COL4A5: variants seen among roughly 807,000 people sequenced by gnomAD.
The protein encoded by COL4A5 is collagen alpha-5(IV) chain.
COL4A5 carries 26 observed loss-of-function variants against 130.2 expected under a neutral mutation model. That is an observed-to-expected ratio of 0.20 (90% CI 0.15 to 0.28). The LOEUF is 0.28. Ranked by LOEUF, COL4A5 falls within the 10% of genes least tolerant of loss-of-function variation. The probability of loss-of-function intolerance (pLI) is 1.00; values close to 1 mark genes in which losing one functional copy is unlikely to be tolerated. For synonymous variants in COL4A5, 496 were observed against 439.6 expected, an observed-to-expected ratio of 1.13 and a Z score of -1.60; for missense variants, 1,131 against 1,344.3, an observed-to-expected ratio of 0.84 and a Z score of 2.48.
chrX:108,690,523 C>T (rs544922833), intron 49 of COL4A5, among the ~76,000 whole-genome samples: 1 of 111,809 alleles, frequency 8.9e-6, no homozygotes, highest in East Asian at 2.8e-4. Context: ...TGAAGAATTT[C>T]CATGATGCAC....
intron 1 of COL4A5, among the ~76,000 whole-genome samples, chrX:108,513,949 G>T (rs1221233241): frequency 1.8e-5 from 2 of 111,874 alleles, no homozygotes; most frequent in South Asian, 7.4e-4. Flanking sequence ...ATGAAGTAGG[G>T]ATTCAGGCTC....
chrX:108,447,136 C>T (rs770309967), intron 1 of COL4A5, among the ~76,000 whole-genome samples: 30 of 111,190 alleles, frequency 2.7e-4, no homozygotes, highest in Admixed American at 1.2e-3. Flanking sequence ...CCCCACCCCT[C>T]TCACCAGCCC....
chrX:108,637,826 A>T (rs987356427), intron 36 of COL4A5, among the ~76,000 whole-genome samples: 1 of 109,898 alleles, frequency 9.1e-6, no homozygotes, highest in African/African-American at 3.3e-5. Context: ...TCAGGACCAG[A>T]TGGCTACACT....
intron 1 of COL4A5, among the ~76,000 whole-genome samples, chrX:108,496,834 A>G: frequency 8.9e-6 from 1 of 111,777 alleles, no homozygotes; most frequent in Non-Finnish European, 1.9e-5. Context: ...TAATATCACT[A>G]TTACAACTTT....
intron 1 of COL4A5, among the ~76,000 whole-genome samples, chrX:108,508,845 A>C: frequency 8.9e-6 from 1 of 112,118 alleles, no homozygotes; most frequent in Admixed American, 9.4e-5. Context: ...TGCTGGGATA[A>C]CCAGCTAGCC....
intron 25 of COL4A5, 100 bp from the exon 26 acceptor site, chrX:108,601,293 C>G: frequency 1.8e-6 from 1 of 554,110 alleles, no homozygotes; most frequent in East Asian, 3.6e-5. Context: ...TTTACATTTT[C>G]AAAAGATTGC....
intron 47 of COL4A5, among the ~76,000 whole-genome samples, chrX:108,685,601 C>T (rs1340244995): frequency 8.9e-6 from 1 of 112,303 alleles, no homozygotes; most frequent in East Asian, 2.8e-4. Flanking sequence ...TAACTGGTGT[C>T]TAGCTGGCCA....
At chrX:108,596,047 C>CTA (rs1569493752) in intron 22 of COL4A5, among the ~76,000 whole-genome samples, 1 of 111,499 alleles carries the variant, frequency 9.0e-6, no homozygotes, top group Non-Finnish European at 1.9e-5. Flanking sequence ...TCCTCTCTCT[C>CTA]TATATATAAC....
intron 2 of COL4A5, among the ~76,000 whole-genome samples, chrX:108,546,758 G>T (rs1306976809): frequency 9.0e-6 from 1 of 111,675 alleles, no homozygotes. Context: ...ATCAGATGTA[G>T]ATTTGGTCTT....
At chrX:108,463,161 A>C (rs1019696192) in intron 1 of COL4A5, among the ~76,000 whole-genome samples, 3 of 112,123 alleles carry the variant, frequency 2.7e-5, no homozygotes, top group Non-Finnish European at 5.6e-5. Context: ...AGTAAAAAAA[A>C]GGAAGAATTT....
chrX:108,675,385 C>G (rs1354639238), intron 43 of COL4A5, among the ~76,000 whole-genome samples: 1 of 110,157 alleles, frequency 9.1e-6, no homozygotes, highest in African/African-American at 3.3e-5. Context: ...TCTTTTTTTC[C>G]CATCTTACTT....
intron 36 of COL4A5, 191 bp downstream of exon 36, chrX:108,626,540 T>A: frequency 8.8e-7 from 1 of 1,142,762 alleles, no homozygotes; most frequent in Non-Finnish European, 1.2e-6. Flanking sequence ...CAGTCCAAAA[T>A]AAAAAGGGAA....
chrX:108,629,042 G>A (rs980167729), intron 36 of COL4A5, among the ~76,000 whole-genome samples: 2 of 112,043 alleles, frequency 1.8e-5, no homozygotes, highest in African/African-American at 6.5e-5. Flanking sequence ...CTAAGGGAAA[G>A]TCTCTCTGAT....
chrX:108,481,180 A>G (rs1371172033), intron 1 of COL4A5, among the ~76,000 whole-genome samples: 1 of 111,359 alleles, frequency 9.0e-6, no homozygotes, highest in Non-Finnish European at 1.9e-5. Flanking sequence ...GAGGACCACA[A>G]TGACATTTTG....
chrX:108,545,689 T>G (rs2065635950), intron 2 of COL4A5, among the ~76,000 whole-genome samples: 1 of 111,345 alleles, frequency 9.0e-6, no homozygotes, highest in Non-Finnish European at 1.9e-5. Context: ...TGTTGATTTG[T>G]TTAATGTTGA....
At chrX:108,644,700 G>C (rs1379623195) in intron 36 of COL4A5, among the ~76,000 whole-genome samples, 2 of 111,174 alleles carry the variant, frequency 1.8e-5, no homozygotes, top group Admixed American at 9.6e-5. Context: ...AGGAGTTTGA[G>C]ACTAGCCTGG....
At chrX:108,454,679 A>G (rs1222407547) in intron 1 of COL4A5, among the ~76,000 whole-genome samples, 2 of 111,972 alleles carry the variant, frequency 1.8e-5, no homozygotes, top group Non-Finnish European at 3.8e-5. Context: ...TAGAAGGTGG[A>G]TGCTGCTCTG....
At chrX:108,569,172 A>G (rs978328777) in intron 6 of COL4A5, 4 of 144,352 alleles carry the variant, frequency 2.8e-5, no homozygotes, top group African/African-American at 1.2e-4. Context: ...TTGCTTTGCC[A>G]TTATTAAAAA....
chrX:108,487,726 A>G, intron 1 of COL4A5, among the ~76,000 whole-genome samples: 1 of 112,501 alleles, frequency 8.9e-6, no homozygotes, highest in Non-Finnish European at 1.9e-5. Flanking sequence ...TTTATGCCAG[A>G]ATGTTGTTTC....
Sources: gnomAD v4.1 joint callset for allele counts (sites outside exome capture counted in the v4.1 genomes callset) on GRCh38, gnomAD v4.1.1 for gene constraint, MANE v1.5 for transcripts, NCBI Gene and HGNC (gene_info 2026-07-23, HGNC 2026-07-21) for gene names.